KRT1: variants seen among roughly 807,000 people sequenced by gnomAD.
The protein encoded by KRT1 is keratin, type II cytoskeletal 1.
In KRT1, 28 loss-of-function variants were observed where a neutral mutation model predicts 51.6. The observed-to-expected ratio is 0.54, with a 90% CI of 0.40 to 0.74. KRT1 has a LOEUF of 0.74. KRT1 is among the 30% of genes least tolerant of loss of function. The pLI is 0.00. For missense variants in KRT1, 783 were observed against 815.5 expected (o/e 0.96, Z 0.49); for synonymous variants, 301 against 307.7 (o/e 0.98, Z 0.23).
In KRT1 at chr12:52,680,050, C is replaced by T. The variant is rs1941563388; in HGVS notation, c.299G>A (p.Gly100Asp). The change falls in exon 1 of 9, where the codon GGT becomes GAT. Residue 100 changes from glycine (G) to aspartate (D), a missense_variant. Gly to Asp is a moderately conservative substitution (Grantham distance 94). Coordinates refer to ENST00000252244, the MANE Select transcript of KRT1 (RefSeq NM_006121.4). The part of the protein sequence containing the change: ...FGGGYGGGGF[G>D]GGGFGGGGFG... ...GCCACCACCACCAAAGCCACCACCA[C>T]CAAAGCCACCACCACCATAACCACC... 6.4e-7 allele frequency: 1 copy of T among 1,555,754 alleles called. No individual in the cohort carries two copies. Among genetic ancestry groups the T allele is most frequent in the Non-Finnish European group, 8.7e-7 (1 of 1,149,330 alleles).
intron 2 of KRT1, 24 bp from the exon 3 acceptor site, chr12:52,678,247 G>A: frequency 6.2e-7 from 1 of 1,612,978 alleles, no homozygotes; most frequent in Non-Finnish European, 8.5e-7. Context: ...GAAACAATTA[G>A]GAGATTCAGA....
At chr12:52,677,511 C>T (rs1382336381) in intron 4 of KRT1, 31 bp from the exon 5 acceptor site, 4 of 1,613,524 alleles carry the variant, frequency 2.5e-6, no homozygotes, top group Non-Finnish European at 3.4e-6. Flanking sequence ...GTGACTCTTA[C>T]AGCACTAAAA....
intron 7 of KRT1, 93 bp downstream of exon 7, chr12:52,676,182 G>T: frequency 9.5e-7 from 1 of 1,054,096 alleles, no homozygotes. Flanking sequence ...CCCAGCACAA[G>T]CTGCAATCAG....
rs192365492 is a variant in KRT1, at chr12:52,677,409, G to A, written c.1035C>T (p.Leu345=). ...CCTCAGCAATGATGCTGTCCAGGTCGAGACTGCGGTTGTTGTCCATAGAGA... is the reference window on the plus strand; with the variant it reads ...CCTCAGCAATGATGCTGTCCAGGTCAAGACTGCGGTTGTTGTCCATAGAGA... ...VILSMDNNRS[L]DLDSIIAEVK... Residue 345 remains leucine, a synonymous_variant, in exon 5 of 9, where the codon CTC becomes CTT. Coordinates refer to ENST00000252244, the MANE Select transcript of KRT1 (RefSeq NM_006121.4). The A allele has an allele frequency of 1.4e-4, 227 of 1,614,224 alleles. No homozygotes were observed. In the East Asian group the frequency reaches 4.6e-3, roughly 32 times the overall value.
intron 1 of KRT1, 142 bp downstream of exon 1, chr12:52,679,616 A>G (rs1199265618): frequency 3.9e-6 from 3 of 778,042 alleles, no homozygotes; most frequent in East Asian, 2.5e-5. Context: ...CATCTAACAT[A>G]TCTCCTAGGA....
chr12:52,678,819 G>C (rs1391878123), intron 1 of KRT1, 63 bp from the exon 2 acceptor site: 3 of 1,445,144 alleles, frequency 2.1e-6, no homozygotes, highest in East Asian at 2.3e-5. Flanking sequence ...ATGGAGAACT[G>C]TGCCTCATTT....
Position 52,674,885 on chromosome 12 carries a change from A to G in KRT1, c.*308T>C. 1 of 530,088 alleles carries G rather than the reference A, an allele frequency of 1.9e-6. No individual in the cohort carries two copies. 32.8% of individuals were successfully genotyped at this position (530,088 alleles called of 1,614,324 possible). A position where few individuals can be genotyped will look rare whatever the true frequency, so the allele number is the denominator to read the frequency against. ...AAGGAGCTGTCCACACCCTGGGTCT[A>G]ACTGGTCCTACTCTGGCTGGCTTAA... On this transcript the variant is annotated 3_prime_UTR_variant, in exon 9 of 9. Coordinates refer to ENST00000252244, the MANE Select transcript of KRT1 (RefSeq NM_006121.4).
At position 52,680,355 on chromosome 12, in the gene KRT1, T is replaced by C; in HGVS notation, c.-7A>G. On this transcript the variant is annotated 5_prime_UTR_variant, in exon 1 of 9. Transcript: ENST00000252244. ...AACTAAACTGTCGACTCATGTTGAC[T>C]TAGAGAAAAGTAGGAGCAAGGTAGA... The C allele has an allele frequency of 1.9e-6, 3 of 1,612,842 alleles. No individual in the cohort carries two copies. Among genetic ancestry groups the C allele is most frequent in the Non-Finnish European group, 2.5e-6 (3 of 1,179,076 alleles).
chr12:52,676,595 A>C, intron 6 of KRT1, 100 bp from the exon 7 acceptor site: 1 of 1,196,202 alleles, frequency 8.4e-7, no homozygotes, highest in Non-Finnish European at 1.2e-6. Context: ...AATGAGTCCA[A>C]CAGAACCACT....
chr12:52,675,590 CTGA>C lies in KRT1; in HGVS notation c.1535_1537del (p.Ile512del), dbSNP rs773834793. 4.2e-5 allele frequency: 67 copies of C among 1,614,118 alleles called. No homozygotes were observed. The highest frequency in any genetic ancestry group is 5.5e-5 in the Non-Finnish European group (65 of 1,180,054). On this transcript the variant is annotated inframe_deletion, in exon 9 of 9. Coordinates refer to ENST00000252244, the MANE Select transcript of KRT1 (RefSeq NM_006121.4). ...GCCACCTCCTCGGCTGCCACCTCCA[CTGA>C]TGGTGGTGTGGCTTGTGCTCACAGC... is the stretch of plus-strand genomic sequence containing the variant.
Position 52,679,848 on chromosome 12 carries a change from C to G in KRT1, c.501G>C (p.Val167=). The change falls in exon 1 of 9, where the codon GTG becomes GTC. Residue 167 remains valine, a synonymous_variant. Transcript: ENST00000252244. ...INQSLLQPLN[V]EIDPEIQKVK... ...CCTTTTGGATCTCAGGGTCAATCTC[C>G]ACATTGAGGGGCTGAAGAAGGCTCT... The G allele has an allele frequency of 6.2e-7, 1 of 1,614,158 alleles. No homozygotes were observed. Among genetic ancestry groups the G allele is most frequent in the Non-Finnish European group, 8.5e-7 (1 of 1,180,026 alleles).
Position 52,678,587 on chromosome 12 carries a change from G to A in KRT1, c.761C>T (p.Ser254Leu), listed in dbSNP as rs372121916. The A allele has an allele frequency of 3.2e-5, 52 of 1,614,008 alleles. No homozygotes were observed. The highest frequency in any genetic ancestry group is 2.3e-4 in the African/African-American group (17 of 74,882). The change falls in exon 2 of 9, where the codon TCG becomes TTG. Residue 254 changes from serine to leucine, a missense_variant. Transcript: ENST00000252244. ...CATGTCCTGCATGTTCTTCAGTTCCGAATCCAACCGAGATTGATCACTCTT... is the reference window on the plus strand; with the variant it reads ...CATGTCCTGCATGTTCTTCAGTTCCAAATCCAACCGAGATTGATCACTCTT... ...QLKSDQSRLD[S>L]ELKNMQDMVE...
chr12:52,675,252 A>T lies in KRT1; in HGVS notation c.1876T>A (p.Ser626Thr), dbSNP rs200190157. Reference protein sequence around the residue: ...RGSSSGGVKSSGGSSSVKFVS... With the variant: ...RGSSSGGVKSTGGSSSVKFVS... ...AACTTCACGCTGGAACTGCCACCAG[A>T]GGACTTGACACCCCCAGAGCTGGAT... The change falls in exon 9 of 9, where the codon TCT becomes ACT. Residue 626 changes from serine to threonine, a missense_variant. Ser to Thr is a moderately conservative substitution (Grantham distance 58). Coordinates refer to ENST00000252244, the MANE Select transcript of KRT1 (RefSeq NM_006121.4). 2.7e-5 allele frequency: 43 copies of T among 1,613,952 alleles called. No individual in the cohort carries two copies. In the East Asian group the frequency reaches 5.8e-4, roughly 22 times the overall value.
chr12:52,677,292 T>C, intron 5 of KRT1, 24 bp downstream of exon 5: 4 of 1,614,246 alleles, frequency 2.5e-6, no homozygotes, highest in Non-Finnish European at 2.5e-6. Context: ...TCAGGGAAAC[T>C]GGCTAGGCTT....
Position 52,680,002 on chromosome 12 carries a change from C to A in KRT1, c.347G>T (p.Gly116Val), listed in dbSNP as rs1941562241. The A allele has an allele frequency of 1.3e-6, 2 of 1,582,806 alleles. No homozygotes were observed. The highest frequency in any genetic ancestry group is 2.7e-5 in the African/African-American group (2 of 74,164). ...GGGFGGGGIG[G>V]GGFGGFGSGG... ...ACTGCCAAAACCACCAAAGCCACCA[C>A]CCCCAATGCCACCTCCACCAAAGCC... Residue 116 changes from glycine to valine, a missense_variant, in exon 1 of 9, where the codon GGT becomes GTT. Physicochemically the swap from Gly to Val is moderately radical, Grantham distance 109 (BLOSUM62 -3). Coordinates refer to ENST00000252244, the MANE Select transcript of KRT1 (RefSeq NM_006121.4).
intron 7 of KRT1, 130 bp downstream of exon 7, chr12:52,676,145 G>A: frequency 2.4e-6 from 2 of 830,002 alleles, no homozygotes; most frequent in South Asian, 1.4e-5. Flanking sequence ...CCTTCCTCCT[G>A]CTCCGTGTAC....
chr12:52,679,606 C>T (rs939769039), intron 1 of KRT1, 152 bp downstream of exon 1: 13 of 747,066 alleles, frequency 1.7e-5, no homozygotes, highest in African/African-American at 1.2e-4. Flanking sequence ...CACAAGCATA[C>T]ATCTAACATA....
Position 52,676,335 on chromosome 12 carries a change from T to C in KRT1, c.1415A>G (p.Lys472Arg). 4 of 1,614,184 alleles carry C rather than the reference T, an allele frequency of 2.5e-6. No homozygotes were observed. Among genetic ancestry groups the C allele is most frequent in the South Asian group, 1.1e-5 (1 of 91,080 alleles). Residue 472 changes from lysine to arginine, a missense_variant, in exon 7 of 9, where the codon AAG (lysine) becomes AGG (arginine). Lys to Arg is a conservative substitution (Grantham distance 26). Transcript: ENST00000252244. ...GGCAATCTCCAGATCCAGGGCCAGC[T>C]TTGTGTTCATCAGCTCCTGGTAGTC... The part of the protein sequence containing the change: ...LRDYQELMNT[K>R]LALDLEIATY...
At position 52,679,818 on chromosome 12, in the gene KRT1, C is replaced by G; in HGVS notation, c.531G>C (p.Lys177Asn). 6.2e-7 allele frequency: 1 copy of G among 1,614,172 alleles called. No individual in the cohort carries two copies. The highest frequency in any genetic ancestry group is 8.5e-7 in the Non-Finnish European group (1 of 1,180,028). Reference sequence around the variant, plus strand: ...ACTTGATTTGCTCCCTTTCTCGAGACTTCACCTTTTGGATCTCAGGGTCAA... The same window carrying G: ...ACTTGATTTGCTCCCTTTCTCGAGAGTTCACCTTTTGGATCTCAGGGTCAA... The part of the protein sequence containing the change: ...VEIDPEIQKV[K>N]SREREQIKSL... Residue 177 changes from lysine to asparagine, a missense_variant, in exon 1 of 9, where the codon AAG becomes AAC. Coordinates refer to ENST00000252244, the MANE Select transcript of KRT1 (RefSeq NM_006121.4).
Sources: allele counts gnomAD v4.1 joint callset, GRCh38; gene constraint gnomAD v4.1.1; transcripts MANE v1.5; gene names NCBI Gene and HGNC (gene_info 2026-07-23, HGNC 2026-07-21).